Variants in PKIB observed in about 807,000 individuals in gnomAD.
PKIB encodes PKI-beta.
Under a neutral mutation model 4.5 loss-of-function variants are expected in PKIB, and 2 were observed. The observed-to-expected ratio is 0.44, with a 90% CI of 0.18 to 1.39. The LOEUF (loss-of-function observed/expected upper bound fraction) is 1.39. Ranked by LOEUF, PKIB falls within the 40% of genes most tolerant of loss-of-function variation. The pLI is 0.27. For missense variants in PKIB, 94 were observed against 92.6 expected, an observed-to-expected ratio of 1.02 and a Z score of -0.06; for synonymous variants, 38 against 36.0, an observed-to-expected ratio of 1.06 and a Z score of -0.20.
intron 3 of PKIB, among the ~76,000 whole-genome samples, chr6:122,678,788 GTC>G (rs1777785138): frequency 6.6e-6 from 1 of 152,190 alleles, no homozygotes; most frequent in African/African-American, 2.4e-5. Flanking sequence ...AGTCAAAGAA[GTC>G]TTTGGAGAGG....
chr6:122,603,078 A>G lies in PKIB; in HGVS notation c.-161+17071A>G, dbSNP rs542557103. ...AACATCTCAAAAGCTTCTCTTTTTT[A>G]AAAGACTCCATCCACCCCAACTCTG... On this transcript the variant is annotated intron_variant, in intron 3 of 6. Coordinates refer to the PKIB transcript ENST00000392491. Among the ~76,000 whole-genome samples the G allele has an allele frequency of 5.9e-5, 9 of 152,186 alleles. No individual in the cohort carries two copies. The East Asian group carries it at 1.2e-3, about 20-fold the overall frequency.
intron 2 of PKIB, among the ~76,000 whole-genome samples, chr6:122,672,334 TC>T (rs1777497951): frequency 6.6e-6 from 1 of 152,158 alleles, no homozygotes; most frequent in South Asian, 2.1e-4. Flanking sequence ...AAGAAAATAT[TC>T]CTCATCTAAA....
At chr6:122,589,568 G>A (rs1773957553) in intron 3 of PKIB, among the ~76,000 whole-genome samples, 1 of 152,074 alleles carries the variant, frequency 6.6e-6, no homozygotes, top group South Asian at 2.1e-4. Flanking sequence ...ATTTATAAAT[G>A]TATCAGTGTA....
intron 2 of PKIB, among the ~76,000 whole-genome samples, chr6:122,576,247 C>G (rs1773525799): frequency 6.6e-6 from 1 of 152,058 alleles, no homozygotes; most frequent in Non-Finnish European, 1.5e-5. Context: ...AGCCTGTAAT[C>G]CCAGAACTTT....
At chr6:122,683,735 A>G (rs1050731295) in intron 3 of PKIB, among the ~76,000 whole-genome samples, 1 of 152,212 alleles carries the variant, frequency 6.6e-6, no homozygotes, top group Non-Finnish European at 1.5e-5. Context: ...TTAAAAGAAC[A>G]CAGACTGACT....
chr6:122,698,348 C>T (rs1778655507), intron 3 of PKIB, among the ~76,000 whole-genome samples: 1 of 152,092 alleles, frequency 6.6e-6, no homozygotes, highest in Admixed American at 6.6e-5. Flanking sequence ...CCAGAAGGGC[C>T]AAGCTTGACT....
At chr6:122,584,113 G>C (rs1304827672) in intron 2 of PKIB, among the ~76,000 whole-genome samples, 2 of 152,076 alleles carry the variant, frequency 1.3e-5, no homozygotes, top group Non-Finnish European at 2.9e-5. Flanking sequence ...CTATTTAAAG[G>C]TTGACAGTGT....
intron 2 of PKIB, among the ~76,000 whole-genome samples, chr6:122,511,635 C>T (rs928183017): frequency 7.9e-5 from 12 of 152,084 alleles, no homozygotes; most frequent in Non-Finnish European, 1.6e-4. Flanking sequence ...AAAATGGGAG[C>T]CAGGGGGCCA....
At chr6:122,690,163 T>G (rs1184506545) in intron 3 of PKIB, among the ~76,000 whole-genome samples, 1 of 152,058 alleles carries the variant, frequency 6.6e-6, no homozygotes, top group Non-Finnish European at 1.5e-5. Flanking sequence ...GTGTTTCTTA[T>G]AGGCAACAGA....
chr6:122,677,365 A>G (rs917192820), intron 3 of PKIB, among the ~76,000 whole-genome samples: 5 of 152,146 alleles, frequency 3.3e-5, no homozygotes, highest in African/African-American at 1.2e-4. Context: ...ATTGATTATA[A>G]TACTTTGAAA....
intron 2 of PKIB, among the ~76,000 whole-genome samples, chr6:122,549,092 C>T (rs1772589384): frequency 6.6e-6 from 1 of 152,110 alleles, no homozygotes; most frequent in Non-Finnish European, 1.5e-5. Context: ...CCCTTTGAGG[C>T]TGAATCATGT....
intron 3 of PKIB, among the ~76,000 whole-genome samples, chr6:122,714,983 C>A (rs1048091956): frequency 6.6e-6 from 1 of 151,650 alleles, no homozygotes; most frequent in East Asian, 1.9e-4. Flanking sequence ...GACAGGGTTT[C>A]ACCATCTTGG....
intron 3 of PKIB, among the ~76,000 whole-genome samples, chr6:122,715,101 A>G (rs182018383): frequency 6.6e-6 from 1 of 151,228 alleles, no homozygotes; most frequent in South Asian, 2.1e-4. Context: ...AAAAATATTT[A>G]AAAAAAAAGG....
At chr6:122,645,269 T>C (rs1776265962) in intron 2 of PKIB, among the ~76,000 whole-genome samples, 1 of 152,204 alleles carries the variant, frequency 6.6e-6, no homozygotes, top group African/African-American at 2.4e-5. Flanking sequence ...AAGAGTAGTG[T>C]AACTTGTCAG....
intron 2 of PKIB, chr6:122,479,859 C>A (rs377524158): frequency 1.3e-5 from 2 of 152,134 alleles, no homozygotes; most frequent in South Asian, 4.1e-4. Context: ...TCTACAATGC[C>A]AGTGCCGGTA....
At chr6:122,671,629 C>T (rs1167334812) in intron 2 of PKIB, among the ~76,000 whole-genome samples, 6 of 152,106 alleles carry the variant, frequency 3.9e-5, no homozygotes, top group Non-Finnish European at 7.4e-5. Context: ...AGTCACTGAA[C>T]CAGGTGAGAT....
chr6:122,637,253 T>A (rs1288490620), intron 2 of PKIB, among the ~76,000 whole-genome samples: 9 of 152,148 alleles, frequency 5.9e-5, no homozygotes, highest in Non-Finnish European at 2.9e-5. Flanking sequence ...ACCTAATAAA[T>A]GTTTGAAAAT....
At chr6:122,557,998 G>A (rs1363240253) in intron 2 of PKIB, among the ~76,000 whole-genome samples, 1 of 152,074 alleles carries the variant, frequency 6.6e-6, no homozygotes, top group African/African-American at 2.4e-5. Flanking sequence ...AAATCATCAT[G>A]TTAACACAAG....
At chr6:122,520,520 G>A (rs1776899498) in intron 2 of PKIB, among the ~76,000 whole-genome samples, 2 of 151,930 alleles carry the variant, frequency 1.3e-5, no homozygotes, top group East Asian at 1.9e-4. Context: ...TGAGATAATT[G>A]GCACACATCT....
Sources: allele counts gnomAD v4.1 joint callset (sites outside exome capture counted in the v4.1 genomes callset), GRCh38; gene constraint gnomAD v4.1.1; transcripts MANE v1.5; gene names NCBI Gene and HGNC (gene_info 2026-07-23, HGNC 2026-07-21).